The following SRBD1 variants were observed in gnomAD, a reference collection of about 807,000 sequenced individuals.
The protein encoded by SRBD1 is S1 RNA binding domain 1.
SRBD1 carries 88 observed loss-of-function variants against 115.3 expected under a neutral mutation model. The observed-to-expected ratio is 0.76, with a 90% CI of 0.64 to 0.91. The LOEUF is 0.91. Ranked by LOEUF, SRBD1 falls within the 40% of genes least tolerant of loss-of-function variation. SRBD1 has a pLI of 0.00. For synonymous variants in SRBD1, 509 were observed against 407.7 expected (o/e 1.25, Z -2.99); for missense variants, 1,385 against 1,177.4 (o/e 1.18, Z -2.58).
intron 14 of SRBD1, among the ~76,000 whole-genome samples, chr2:45,499,757 T>C (rs1670569919): frequency 6.6e-6 from 1 of 152,174 alleles, no homozygotes; most frequent in African/African-American, 2.4e-5. Context: ...GAGGCTGTCC[T>C]TTCCCCAGTG....
chr2:45,437,545 T>C (rs1668536673), intron 16 of SRBD1, among the ~76,000 whole-genome samples: 2 of 152,168 alleles, frequency 1.3e-5, no homozygotes, highest in South Asian at 2.1e-4. Flanking sequence ...ACACAGATCT[T>C]ACACCCTTAA....
intron 1 of SRBD1, among the ~76,000 whole-genome samples, chr2:45,608,027 C>T (rs542764527): frequency 2.4e-4 from 37 of 152,338 alleles, no homozygotes; most frequent in South Asian, 1.7e-3. Context: ...CCTACCACCA[C>T]ATTCTACAAT....
chr2:45,528,855 T>A (rs1418196673), intron 14 of SRBD1, among the ~76,000 whole-genome samples: 1 of 151,820 alleles, frequency 6.6e-6, no homozygotes, highest in Non-Finnish European at 1.5e-5. Flanking sequence ...AAAACAGCAG[T>A]GTACGAAACT....
chr2:45,485,044 G>A (rs1670076687), intron 15 of SRBD1, among the ~76,000 whole-genome samples: 1 of 152,198 alleles, frequency 6.6e-6, no homozygotes. Context: ...ATAAGCACTT[G>A]TGTACAAGTA....
intron 14 of SRBD1, among the ~76,000 whole-genome samples, chr2:45,524,393 T>C (rs1276335927): frequency 2.0e-5 from 3 of 151,976 alleles, no homozygotes; most frequent in Non-Finnish European, 2.9e-5. Flanking sequence ...ATTTTGCATA[T>C]AGAAAATCCT....
At chr2:45,480,682 T>C (rs1446557386) in intron 15 of SRBD1, among the ~76,000 whole-genome samples, 2 of 152,136 alleles carry the variant, frequency 1.3e-5, no homozygotes, top group African/African-American at 2.4e-5. Context: ...ATAAAAGATA[T>C]CAAATATTAC....
chr2:45,402,316 C>T (rs1667313107), intron 19 of SRBD1, among the ~76,000 whole-genome samples: 1 of 152,152 alleles, frequency 6.6e-6, no homozygotes, highest in African/African-American at 2.4e-5. Context: ...TTTCTTCCCT[C>T]CCCAAATAAA....
chr2:45,407,457 A>G (rs1186982136), intron 19 of SRBD1, among the ~76,000 whole-genome samples: 1 of 152,148 alleles, frequency 6.6e-6, no homozygotes, highest in Non-Finnish European at 1.5e-5. Context: ...GGTACTTTCT[A>G]ATTGTTCAGC....
At chr2:45,521,694 T>A (rs142275731) in intron 14 of SRBD1, among the ~76,000 whole-genome samples, 1 of 152,020 alleles carries the variant, frequency 6.6e-6, no homozygotes, top group Non-Finnish European at 1.5e-5. Context: ...TCCAAAAGGA[T>A]TGAAAGCAGG....
intron 16 of SRBD1, among the ~76,000 whole-genome samples, chr2:45,423,155 G>C (rs948190632): frequency 2.6e-5 from 4 of 152,120 alleles, no homozygotes; most frequent in Admixed American, 1.3e-4. Flanking sequence ...TGATATTCTT[G>C]TAGATGACAG....
Position 45,389,960 on chromosome 2 carries a change from C to T in SRBD1, c.2699-361G>A, listed in dbSNP as rs138534621. On this transcript the variant is annotated intron_variant, in intron 20 of 20. Transcript: ENST00000263736. ...AACCACAAACACTGAGAAAGTAAGA[C>T]CTTTGGAAACAAGAGACTGGAAGCT... Among the ~76,000 whole-genome samples, 462 of 152,122 alleles carry T rather than the reference C, an allele frequency of 3.0e-3. 5 individuals are homozygous for T. The highest frequency in any genetic ancestry group is 0.01 in the African/African-American group (433 of 41,504).
chr2:45,414,787 T>C (rs373046633), intron 18 of SRBD1, among the ~76,000 whole-genome samples: 908 of 63,566 alleles, frequency 0.014, 25 homozygotes, highest in African/African-American at 0.032. Flanking sequence ...CACACACACA[T>C]AGTGTGTATA....
At chr2:45,582,328 G>A (rs528520090) in intron 5 of SRBD1, among the ~76,000 whole-genome samples, 88 of 152,274 alleles carry the variant, frequency 5.8e-4, no homozygotes, top group Middle Eastern at 3.4e-3. Context: ...ATCTTTGGCA[G>A]AAATATCATA....
At chr2:45,587,138 T>G (rs1180860729) in intron 4 of SRBD1, among the ~76,000 whole-genome samples, 1 of 103,572 alleles carries the variant, frequency 9.7e-6, no homozygotes, top group Non-Finnish European at 1.7e-5. Flanking sequence ...TATTTAAAAT[T>G]TTTTAAATAT....
At chr2:45,413,487 C>T (rs2103858638) in intron 18 of SRBD1, among the ~76,000 whole-genome samples, 194 bp from the exon 19 acceptor site, 1 of 152,150 alleles carries the variant, frequency 6.6e-6, no homozygotes, top group African/African-American at 2.4e-5. Flanking sequence ...TACTTAAAGC[C>T]AAAAACATTC....
chr2:45,528,929 T>C (rs1343092430), intron 14 of SRBD1, among the ~76,000 whole-genome samples: 2 of 151,936 alleles, frequency 1.3e-5, no homozygotes, highest in African/African-American at 2.4e-5. Flanking sequence ...AAATGGTCAG[T>C]GGATATGCTT....
chr2:45,463,675 T>TA (rs1297346913), intron 16 of SRBD1, among the ~76,000 whole-genome samples: 1 of 152,234 alleles, frequency 6.6e-6, no homozygotes, highest in Non-Finnish European at 1.5e-5. Flanking sequence ...CCAAGATTGT[T>TA]AGTGTGCCAA....
intron 8 of SRBD1, 95 bp from the exon 9 acceptor site, chr2:45,573,437 C>T: frequency 2.1e-6 from 3 of 1,426,936 alleles, no homozygotes; most frequent in South Asian, 1.4e-5. Context: ...AAAAGTTAAG[C>T]CATTACCAAG....
chr2:45,474,608 A>G (rs1476894140), intron 16 of SRBD1, among the ~76,000 whole-genome samples: 1 of 152,204 alleles, frequency 6.6e-6, no homozygotes, highest in East Asian at 1.9e-4. Flanking sequence ...CTAATACTTC[A>G]GACCCTCTCC....
Sources: gnomAD v4.1 joint callset for allele counts (sites outside exome capture counted in the v4.1 genomes callset) on GRCh38, gnomAD v4.1.1 for gene constraint, MANE v1.5 for transcripts, NCBI Gene and HGNC (gene_info 2026-07-23, HGNC 2026-07-21) for gene names.